RBFOX1: variants seen among roughly 807,000 people sequenced by gnomAD.
RBFOX1 encodes the protein RNA binding protein fox-1 homolog 1.
A neutral mutation model predicts 57.7 loss-of-function variants in RBFOX1; 8 were observed. The ratio of observed to expected loss-of-function variants is 0.14; its 90% CI spans 0.08 to 0.25. The LOEUF (loss-of-function observed/expected upper bound fraction) is 0.25, where lower values mean the gene tolerates loss of function less well. Ranked by LOEUF, RBFOX1 falls within the 10% of genes least tolerant of loss-of-function variation. RBFOX1 has a pLI of 1.00. For synonymous variants in RBFOX1, 326 were observed against 222.4 expected (o/e 1.47, Z -4.15); for missense variants, 611 against 548.5 (o/e 1.11, Z -1.14).
At chr16:6,129,319 T>C (rs1283595853) in intron 1 of RBFOX1, among the ~76,000 whole-genome samples, 1 of 151,568 alleles carries the variant, frequency 6.6e-6, no homozygotes, top group Non-Finnish European at 1.5e-5. Context: ...GGAAAAAAAA[T>C]GGAAGTCATA....
chr16:6,792,287 T>A (rs1422516019), intron 3 of RBFOX1, among the ~76,000 whole-genome samples: 3 of 152,228 alleles, frequency 2.0e-5, no homozygotes, highest in African/African-American at 7.2e-5. Flanking sequence ...CATAAATACA[T>A]CTAAAGTTTG....
At chr16:5,301,298 C>T (rs983337661) in intron 1 of RBFOX1, among the ~76,000 whole-genome samples, 42 of 152,082 alleles carry the variant, frequency 2.8e-4, no homozygotes, top group East Asian at 1.9e-4. Flanking sequence ...ATAGCCTGCA[C>T]GTGTTTACAG....
chr16:6,613,287 A>G (rs1429389658), intron 2 of RBFOX1, among the ~76,000 whole-genome samples: 2 of 152,022 alleles, frequency 1.3e-5, no homozygotes, highest in African/African-American at 2.4e-5. Context: ...GTTGGTTTGC[A>G]ATAAGGGTAA....
intron 3 of RBFOX1, among the ~76,000 whole-genome samples, chr16:7,010,437 A>T (rs2153654613): frequency 6.6e-6 from 1 of 152,196 alleles, no homozygotes; most frequent in Non-Finnish European, 1.5e-5. Context: ...GACCTCTTAG[A>T]GTTGACCGAG....
intron 3 of RBFOX1, among the ~76,000 whole-genome samples, chr16:6,859,349 T>G (rs1001783254): frequency 4.6e-5 from 7 of 151,682 alleles, no homozygotes; most frequent in Non-Finnish European, 7.4e-5. Flanking sequence ...AAAAATTCTA[T>G]GCAAAATTCT....
intron 4 of RBFOX1, among the ~76,000 whole-genome samples, chr16:5,938,451 A>C (rs1387718234): frequency 6.6e-6 from 1 of 152,196 alleles, no homozygotes; most frequent in South Asian, 2.1e-4. Flanking sequence ...GTCATGTTGC[A>C]TAGCTACCAT....
chr16:5,575,361 A>G (rs1567247623), intron 2 of RBFOX1, among the ~76,000 whole-genome samples: 4 of 152,312 alleles, frequency 2.6e-5, no homozygotes, highest in East Asian at 3.9e-4. Context: ...CGGCTCAGCC[A>G]TCATTGAGTT....
intron 5 of RBFOX1, among the ~76,000 whole-genome samples, chr16:7,563,399 C>G (rs8051396): frequency 0.87 from 132,027 of 152,228 alleles, 58,531 homozygotes; most frequent in Non-Finnish European, 0.97. Context: ...GAATTCAAAT[C>G]TAGATAATTG....
intron 2 of RBFOX1, among the ~76,000 whole-genome samples, chr16:6,343,760 T>A (rs2084914890): frequency 6.6e-6 from 1 of 152,220 alleles, no homozygotes; most frequent in Admixed American, 6.5e-5. Context: ...GAGATTTGAA[T>A]CAGTCGTCTT....
At chr16:5,556,884 A>G (rs1265325410) in intron 2 of RBFOX1, among the ~76,000 whole-genome samples, 3 of 152,146 alleles carry the variant, frequency 2.0e-5, no homozygotes, top group East Asian at 1.9e-4. Context: ...TGTCCATTTT[A>G]TAGGCTCTGG....
At chr16:7,181,188 C>A (rs912767458) in intron 4 of RBFOX1, among the ~76,000 whole-genome samples, 1 of 152,074 alleles carries the variant, frequency 6.6e-6, no homozygotes, top group African/African-American at 2.4e-5. Context: ...CTTCTTTGAA[C>A]CTTGCGTAGT....
intron 4 of RBFOX1, among the ~76,000 whole-genome samples, chr16:7,128,348 T>A (rs2069172061): frequency 6.7e-6 from 1 of 149,446 alleles, no homozygotes; most frequent in Admixed American, 6.7e-5. Context: ...AGAACAGTTC[T>A]GTCACTTAGC....
intron 3 of RBFOX1, among the ~76,000 whole-genome samples, chr16:5,697,011 G>T (rs1390184775): frequency 1.3e-5 from 2 of 152,016 alleles, no homozygotes; most frequent in Non-Finnish European, 2.9e-5. Flanking sequence ...CTCCTGGATT[G>T]AAGCAATTCT....
At chr16:7,509,159 G>A (rs2074277468) in intron 4 of RBFOX1, among the ~76,000 whole-genome samples, 1 of 152,270 alleles carries the variant, frequency 6.6e-6, no homozygotes, top group East Asian at 1.9e-4. Context: ...GCCATGAAAA[G>A]ACAAAAGTCC....
intron 1 of RBFOX1, among the ~76,000 whole-genome samples, chr16:6,057,586 A>G (rs1015964512): frequency 6.6e-6 from 1 of 152,162 alleles, no homozygotes; most frequent in African/African-American, 2.4e-5. Flanking sequence ...AGAAAAAAAA[A>G]GACCAAAGAC....
intron 5 of RBFOX1, among the ~76,000 whole-genome samples, chr16:7,545,566 G>C (rs949739185): frequency 6.6e-6 from 1 of 152,190 alleles, no homozygotes; most frequent in African/African-American, 2.4e-5. Context: ...AGCTTAGGTA[G>C]AATGCTACTG....
chr16:6,196,469 T>C (rs7203299), intron 1 of RBFOX1, among the ~76,000 whole-genome samples: 3,270 of 152,200 alleles, frequency 0.021, 122 homozygotes, highest in African/African-American at 0.075. Flanking sequence ...CAGTAGACAA[T>C]AAATCTGGAC....
intron 4 of RBFOX1, among the ~76,000 whole-genome samples, chr16:7,320,407 C>T (rs2096525681): frequency 6.6e-6 from 1 of 152,200 alleles, no homozygotes; most frequent in South Asian, 2.1e-4. Context: ...AAGACATGAT[C>T]TCATCCTTTT....
At chr16:6,887,023 C>G (rs148405302) in intron 3 of RBFOX1, among the ~76,000 whole-genome samples, 1 of 152,148 alleles carries the variant, frequency 6.6e-6, no homozygotes, top group Admixed American at 6.5e-5. Context: ...GTTTGATTAT[C>G]TTCCATATAC....
Sources: allele counts gnomAD v4.1 joint callset (sites outside exome capture counted in the v4.1 genomes callset), GRCh38; gene constraint gnomAD v4.1.1; transcripts MANE v1.5; gene names NCBI Gene and HGNC (gene_info 2026-07-23, HGNC 2026-07-21).